Variants in PKHD1 observed in about 807,000 individuals in gnomAD.
The protein encoded by PKHD1 is PKHD1 ciliary IPT domain containing fibrocystin/polyductin.
In PKHD1, 291 loss-of-function variants were observed where a neutral mutation model predicts 412.0. The ratio of observed to expected loss-of-function variants is 0.71; its 90% confidence interval spans 0.64 to 0.78. PKHD1 has a LOEUF of 0.78. Ranked by LOEUF, PKHD1 falls within the 30% of genes least tolerant of loss-of-function variation. The pLI is 0.00. For synonymous variants in PKHD1, 1,777 were observed against 1,821.5 expected (o/e 0.98, Z 0.62); for missense variants, 4,825 against 4,950.7 (o/e 0.97, Z 0.76).
intron 25 of PKHD1, among the ~76,000 whole-genome samples, chr6:52,044,387 G>A (rs1805443595): frequency 6.6e-6 from 1 of 152,150 alleles, no homozygotes; most frequent in Non-Finnish European, 1.5e-5. Flanking sequence ...CTTATTAAAG[G>A]AAGAGGTATT....
chr6:51,903,172 G>C (rs115631787), intron 43 of PKHD1, among the ~76,000 whole-genome samples: 1 of 152,274 alleles, frequency 6.6e-6, no homozygotes, highest in Admixed American at 6.5e-5. Context: ...AATCCTGAGA[G>C]GAATGCTTAC....
At chr6:51,807,065 T>C (rs374240780) in intron 52 of PKHD1, among the ~76,000 whole-genome samples, 2 of 152,132 alleles carry the variant, frequency 1.3e-5, no homozygotes, top group African/African-American at 4.8e-5. Flanking sequence ...CATGTAAACA[T>C]TAGACTTCTT....
intron 60 of PKHD1, among the ~76,000 whole-genome samples, chr6:51,679,930 CTG>C (rs1295188747): frequency 6.6e-6 from 1 of 152,016 alleles, no homozygotes; most frequent in East Asian, 1.9e-4. Flanking sequence ...TCTCAGGACT[CTG>C]GAGCAAACTG....
chr6:51,647,440 A>G (rs1770243652), intron 63 of PKHD1, among the ~76,000 whole-genome samples: 1 of 152,154 alleles, frequency 6.6e-6, no homozygotes, highest in African/African-American at 2.4e-5. Context: ...CATATAAATG[A>G]GCTTCAAGGA....
intron 37 of PKHD1, among the ~76,000 whole-genome samples, chr6:51,916,301 GA>G (rs1036550475): frequency 1.1e-4 from 17 of 152,098 alleles, no homozygotes; most frequent in African/African-American, 4.1e-4. Context: ...GCAAAAAGCA[GA>G]AAAAAATACA....
intron 60 of PKHD1, among the ~76,000 whole-genome samples, chr6:51,666,490 A>C (rs1349151964): frequency 6.6e-6 from 1 of 152,166 alleles, no homozygotes; most frequent in African/African-American, 2.4e-5. Context: ...GGTAGTTTAG[A>C]AGAATTTGTT....
chr6:51,639,610 A>C (rs1331284658), intron 63 of PKHD1, among the ~76,000 whole-genome samples: 2 of 152,002 alleles, frequency 1.3e-5, no homozygotes, highest in Non-Finnish European at 2.9e-5. Flanking sequence ...ACAAAAAAAA[A>C]CCCTTGCGTC....
intron 60 of PKHD1, among the ~76,000 whole-genome samples, chr6:51,729,759 A>G (rs2150881609): frequency 6.6e-6 from 1 of 152,330 alleles, no homozygotes; most frequent in Admixed American, 6.5e-5. Context: ...GAAAATAATA[A>G]TAATTATAGT....
chr6:52,014,823 T>C (rs994569168), intron 34 of PKHD1, among the ~76,000 whole-genome samples: 6 of 137,770 alleles, frequency 4.4e-5, no homozygotes, highest in African/African-American at 5.0e-5. Context: ...GATGGATGGA[T>C]GGACGGACGA....
intron 60 of PKHD1, among the ~76,000 whole-genome samples, chr6:51,700,986 G>C (rs1039374642): frequency 4.6e-5 from 7 of 152,058 alleles, no homozygotes; most frequent in Non-Finnish European, 8.8e-5. Context: ...TTCTTGACTG[G>C]TTTATTCAAG....
At chr6:51,960,099 C>CTGGTTTGT in intron 35 of PKHD1, 73 bp from the exon 36 acceptor site, 8 of 1,475,934 alleles carry the variant, frequency 5.4e-6, no homozygotes, top group Admixed American at 1.7e-5. Flanking sequence ...GGTTGGTTCG[C>CTGGTTTGT]TGGTTTGTTG....
chr6:51,935,966 C>A (rs12530188), intron 36 of PKHD1, among the ~76,000 whole-genome samples: 4,217 of 152,210 alleles, frequency 0.028, 117 homozygotes, highest in East Asian at 0.11. Flanking sequence ...AAATAGCACA[C>A]CCTAGCCCCT....
chr6:51,739,756 A>T (rs2150938379), intron 60 of PKHD1, among the ~76,000 whole-genome samples: 1 of 152,320 alleles, frequency 6.6e-6, no homozygotes, highest in Admixed American at 6.5e-5. Flanking sequence ...TGCTCATGCA[A>T]TGCTAGTTTT....
chr6:51,827,646 C>A (rs887991648), intron 52 of PKHD1, among the ~76,000 whole-genome samples: 1 of 152,116 alleles, frequency 6.6e-6, no homozygotes, highest in Admixed American at 6.6e-5. Context: ...CCTAGAGACA[C>A]TATGATTCTA....
intron 52 of PKHD1, among the ~76,000 whole-genome samples, chr6:51,819,156 CATG>C (rs1408650277): frequency 6.6e-6 from 1 of 152,144 alleles, no homozygotes; most frequent in African/African-American, 2.4e-5. Context: ...GAATCCTCAG[CATG>C]ATAAGCTGCT....
Position 51,748,311 on chromosome 6 carries a change from A to G in PKHD1, c.9305T>C (p.Leu3102Pro), listed in dbSNP as rs1278147513. 1.2e-6 allele frequency: 2 copies of G among 1,614,072 alleles called. No homozygotes were observed. The highest frequency in any genetic ancestry group is 3.3e-5 in the Admixed American group (2 of 59,992). Reference sequence around the variant, plus strand: ...CTTGTGGCCTCGGATGTGAAAGCCAAGTCTCTCTGATCCTGCCACAACGTT... The same window carrying G: ...CTTGTGGCCTCGGATGTGAAAGCCAGGTCTCTCTGATCCTGCCACAACGTT... ...HGNVVAGSER[L>P]GFHIRGHKCS... Residue 3102 changes from leucine (L) to proline (P), a missense_variant, in exon 58 of 67, where the codon CTT becomes CCT. By Grantham distance (98) the Leu-to-Pro change is moderately conservative (BLOSUM62 -3). Coordinates refer to ENST00000371117, the MANE Select transcript of PKHD1 (RefSeq NM_138694.4).
intron 63 of PKHD1, among the ~76,000 whole-genome samples, chr6:51,639,821 G>C (rs181121015): frequency 6.6e-6 from 1 of 152,310 alleles, no homozygotes; most frequent in Admixed American, 6.5e-5. Flanking sequence ...AAAGTTTATA[G>C]ATTGGTTTGA....
chr6:51,820,241 T>A (rs140355617), intron 52 of PKHD1, among the ~76,000 whole-genome samples: 1 of 152,330 alleles, frequency 6.6e-6, no homozygotes, highest in Non-Finnish European at 1.5e-5. Context: ...CAAAAGGATC[T>A]TCTAATGCAA....
intron 60 of PKHD1, among the ~76,000 whole-genome samples, chr6:51,672,933 G>A (rs1775237948): frequency 6.6e-6 from 1 of 152,262 alleles, no homozygotes; most frequent in East Asian, 1.9e-4. Flanking sequence ...CTGTGTCAGT[G>A]AGTAGTAAGG....
Sources: gnomAD v4.1 joint callset for allele counts (sites outside exome capture counted in the v4.1 genomes callset) on GRCh38, gnomAD v4.1.1 for gene constraint, MANE v1.5 for transcripts, NCBI Gene and HGNC (gene_info 2026-07-23, HGNC 2026-07-21) for gene names.